KCTD8: variants seen among roughly 807,000 people sequenced by gnomAD.
KCTD8 encodes the protein BTB/POZ domain-containing protein KCTD8.
In KCTD8, 27 loss-of-function variants were observed where a neutral mutation model predicts 31.5. The observed-to-expected ratio is 0.86, with a 90% CI of 0.63 to 1.18. KCTD8 has a LOEUF of 1.18. Among genes scored for constraint, KCTD8 ranks in the 50% most tolerant of loss-of-function variants. The probability of loss-of-function intolerance (pLI) is 0.00; values close to 1 mark genes in which losing one functional copy is unlikely to be tolerated. For synonymous variants in KCTD8, 290 were observed against 280.0 expected, an observed-to-expected ratio of 1.04 and a Z score of -0.36; for missense variants, 658 against 647.7, an observed-to-expected ratio of 1.02 and a Z score of -0.17.
chr4:44,287,387 G>A lies in KCTD8; in HGVS notation c.962-112137C>T, dbSNP rs147997978. ...CATGTTTAAAGTAAATTATTTAAGC[G>A]TATGTTGATTATGTTTAAAGATCAT... On this transcript the variant is annotated intron_variant, in intron 1 of 1. Coordinates refer to ENST00000360029, the MANE Select transcript of KCTD8 (RefSeq NM_198353.3). 3.3e-5 allele frequency among the ~76,000 whole-genome samples: 5 copies of A among 152,222 alleles called. No homozygotes were observed. In the East Asian group the frequency reaches 5.8e-4, roughly 18 times the overall value.
chr4:44,311,107 G>C (rs1296712150), intron 1 of KCTD8, among the ~76,000 whole-genome samples: 3 of 151,452 alleles, frequency 2.0e-5, no homozygotes, highest in African/African-American at 7.3e-5. Flanking sequence ...CTTCAAATTT[G>C]TCTATAAATA....
intron 1 of KCTD8, among the ~76,000 whole-genome samples, chr4:44,328,767 AT>A (rs1394575149): frequency 1.3e-5 from 2 of 151,946 alleles, no homozygotes; most frequent in African/African-American, 4.8e-5. Context: ...TTAACTACCC[AT>A]AAGTAATTTT....
At chr4:44,374,424 T>C (rs1256168885) in intron 1 of KCTD8, among the ~76,000 whole-genome samples, 2 of 152,194 alleles carry the variant, frequency 1.3e-5, no homozygotes, top group Non-Finnish European at 2.9e-5. Flanking sequence ...TGCAGACCAC[T>C]TAAGCTTTCT....
intron 1 of KCTD8, among the ~76,000 whole-genome samples, chr4:44,416,660 G>A (rs768385520): frequency 1.3e-5 from 2 of 152,022 alleles, no homozygotes; most frequent in Admixed American, 1.3e-4. Flanking sequence ...TCCCACTCTT[G>A]CCATGTGACA....
At chr4:44,444,391 T>G (rs4440258) in intron 1 of KCTD8, among the ~76,000 whole-genome samples, 3 of 151,986 alleles carry the variant, frequency 2.0e-5, no homozygotes, top group African/African-American at 7.3e-5. Context: ...ATTTAATTGG[T>G]TATTTCATAA....
chr4:44,289,989 C>T (rs879859715), intron 1 of KCTD8, among the ~76,000 whole-genome samples: 9 of 151,996 alleles, frequency 5.9e-5, no homozygotes, highest in Non-Finnish European at 8.8e-5. Flanking sequence ...AGTAAATGGT[C>T]CAAATGCCGC....
intron 1 of KCTD8, among the ~76,000 whole-genome samples, chr4:44,408,377 T>C (rs1001311905): frequency 1.2e-4 from 18 of 152,220 alleles, no homozygotes; most frequent in African/African-American, 4.1e-4. Context: ...AGCATACTTT[T>C]ATAGCTACTT....
intron 1 of KCTD8, among the ~76,000 whole-genome samples, chr4:44,370,370 G>A (rs930105016): frequency 1.3e-5 from 2 of 152,136 alleles, no homozygotes; most frequent in African/African-American, 4.8e-5. Context: ...GGTGTAAAAA[G>A]CTATATCCCT....
At chr4:44,195,160 G>A (rs1713901509) in intron 1 of KCTD8, among the ~76,000 whole-genome samples, 1 of 151,446 alleles carries the variant, frequency 6.6e-6, no homozygotes, top group African/African-American at 2.4e-5. Context: ...TTACAGGTAT[G>A]AGCCACTGTG....
rs766578434 is a variant in KCTD8, at chr4:44,448,462, G to T, written c.62C>A (p.Ser21Tyr). 6.5e-7 allele frequency: 1 copy of T among 1,545,206 alleles called. No homozygotes were observed. Among genetic ancestry groups the T allele is most frequent in the Non-Finnish European group, 8.7e-7 (1 of 1,153,886 alleles). ...STILPISEMV[S>Y]SSSSPGASAA... ...CGACGCGCCGGGCGAGCTGGACGAG[G>T]AAACCATCTCGCTAATGGGCAGGAT... is the stretch of plus-strand genomic sequence containing the variant. The change falls in exon 1 of 2, where the codon TCC becomes TAC. Residue 21 changes from serine (S) to tyrosine (Y), a missense_variant. Transcript: ENST00000360029. This position sits in a 1 kb window ranked among gnomAD's most constrained non-coding sequence, Gnocchi z 4.1.
chr4:44,312,286 T>C (rs1466153615), intron 1 of KCTD8, among the ~76,000 whole-genome samples: 1 of 152,036 alleles, frequency 6.6e-6, no homozygotes, highest in Admixed American at 6.6e-5. Flanking sequence ...GGTAACTTAC[T>C]TGAAAGGACT....
In KCTD8 at chr4:44,358,693, C is replaced by T. The variant is rs918145891; in HGVS notation, c.961+88870G>A. Among the ~76,000 whole-genome samples the T allele has an allele frequency of 7.2e-5, 11 of 152,212 alleles. No homozygotes were observed. The East Asian group carries it at 7.7e-4, about 11-fold the overall frequency. ...ATGCCATTCTCCTGCCTCAGCCTCC[C>T]GAGTAGCTGGGACTACAGGTGCCCA... On this transcript the variant is annotated intron_variant, in intron 1 of 1. Coordinates refer to ENST00000360029, the MANE Select transcript of KCTD8 (RefSeq NM_198353.3).
chr4:44,266,088 T>C (rs1716346547), intron 1 of KCTD8, among the ~76,000 whole-genome samples: 1 of 151,462 alleles, frequency 6.6e-6, no homozygotes, highest in African/African-American at 2.4e-5. Context: ...AGACACATAA[T>C]TGTCAGATTC....
chr4:44,441,696 T>A (rs1489184730), intron 1 of KCTD8, among the ~76,000 whole-genome samples: 1 of 152,198 alleles, frequency 6.6e-6, no homozygotes, highest in East Asian at 1.9e-4. Flanking sequence ...ATGTCCTAAA[T>A]CATAGTGTTC....
chr4:44,427,429 G>T (rs1056016216), intron 1 of KCTD8, among the ~76,000 whole-genome samples: 2 of 150,842 alleles, frequency 1.3e-5, no homozygotes, highest in African/African-American at 4.9e-5. Flanking sequence ...AGAAGGGAAA[G>T]AATAAAACTA....
At chr4:44,370,652 AT>A (rs1719760215) in intron 1 of KCTD8, among the ~76,000 whole-genome samples, 1 of 152,188 alleles carries the variant, frequency 6.6e-6, no homozygotes, top group African/African-American at 2.4e-5. Context: ...AAGAATCTCA[AT>A]GCATCAGTCT....
chr4:44,182,091 GC>G (rs1404871506), intron 1 of KCTD8, among the ~76,000 whole-genome samples: 4 of 151,556 alleles, frequency 2.6e-5, no homozygotes, highest in African/African-American at 4.9e-5. Flanking sequence ...GAGCCCCTCC[GC>G]CCGACAGCCG....
intron 1 of KCTD8, among the ~76,000 whole-genome samples, chr4:44,183,045 A>G (rs1030075171): frequency 6.6e-6 from 1 of 152,210 alleles, no homozygotes; most frequent in African/African-American, 2.4e-5. Context: ...TTGAATACTG[A>G]GAGTACTGAT....
In KCTD8 at chr4:44,316,795, GA is replaced by G. The variant is rs71188270; in HGVS notation, c.961+130767del. The stretch of plus-strand genomic sequence containing the variant: ...GAAACCCCATCTCTACTAAAAATAC[GA>G]AAAAAAAAAAAAAAAAAAAAAAAAA... On this transcript the variant is annotated intron_variant, in intron 1 of 1. Coordinates refer to ENST00000360029, the MANE Select transcript of KCTD8 (RefSeq NM_198353.3). 8.3e-3 allele frequency among the ~76,000 whole-genome samples: 334 copies of G among 40,270 alleles called. 1 individual carries two copies. The highest frequency in any genetic ancestry group is 0.014 in the African/African-American group (222 of 15,364). The allele number at this position is 40,270 out of a possible 152,430, so 26.4% of individuals were successfully genotyped here. A position where few individuals can be genotyped will look rare whatever the true frequency, so the allele number is the denominator to read the frequency against.
Sources: allele counts gnomAD v4.1 joint callset (sites outside exome capture counted in the v4.1 genomes callset), GRCh38; gene constraint gnomAD v4.1.1; non-coding constraint Gnocchi (gnomAD v3.1); transcripts MANE v1.5; gene names NCBI Gene and HGNC (gene_info 2026-07-23, HGNC 2026-07-21).